Variants in AGO3 observed in about 807,000 individuals in gnomAD.
The protein encoded by AGO3 is argonaute RISC catalytic component 3.
Under a neutral mutation model 105.5 loss-of-function variants are expected in AGO3, and 16 were observed. That is an observed-to-expected ratio of 0.15 (90% CI 0.10 to 0.23). AGO3 has a LOEUF of 0.23. Among genes scored for constraint, AGO3 ranks in the 10% least tolerant of loss-of-function variants. The probability of loss-of-function intolerance (pLI) is 1.00; values close to 1 mark genes in which losing one functional copy is unlikely to be tolerated. For synonymous variants in AGO3, 340 were observed against 367.3 expected, an observed-to-expected ratio of 0.93 and a Z score of 0.85; for missense variants, 534 against 1,088.0, an observed-to-expected ratio of 0.49 and a Z score of 7.16.
At chr1:35,937,243 A>T (rs1054482307) in intron 1 of AGO3, among the ~76,000 whole-genome samples, 1 of 152,172 alleles carries the variant, frequency 6.6e-6, no homozygotes, top group Non-Finnish European at 1.5e-5. Flanking sequence ...CTCTACTAAA[A>T]ATACAAAAAA....
At chr1:35,972,713 C>T (rs1394744543) in intron 4 of AGO3, among the ~76,000 whole-genome samples, 2 of 152,064 alleles carry the variant, frequency 1.3e-5, no homozygotes, top group African/African-American at 4.8e-5. Context: ...TGGTCTCACT[C>T]TGTCACCCAG....
intron 5 of AGO3, among the ~76,000 whole-genome samples, chr1:35,987,550 C>T (rs1647242781): frequency 6.6e-6 from 1 of 151,604 alleles, no homozygotes; most frequent in South Asian, 2.1e-4. Context: ...AAAGTATGTA[C>T]TAGGTACATA....
At position 36,008,851 on chromosome 1, in the gene AGO3, G is replaced by A; in HGVS notation, c.882-46G>A. Reference sequence around the variant, plus strand: ...GTTAGTGGGGTTGGGAGTTTTTCTGGCTCATAATGGGCAAGAATTGTTCAT... The same window carrying A: ...GTTAGTGGGGTTGGGAGTTTTTCTGACTCATAATGGGCAAGAATTGTTCAT... On this transcript the variant is annotated intron_variant, in intron 7 of 18. Coordinates refer to ENST00000373191, the MANE Select transcript of AGO3 (RefSeq NM_024852.4). The surrounding 1 kb of genome is among the most constrained non-coding windows in gnomAD (Gnocchi z 5.1). 2 of 1,613,984 alleles carry A rather than the reference G, an allele frequency of 1.2e-6. No homozygotes were observed. The highest frequency in any genetic ancestry group is 1.7e-5 in the Admixed American group (1 of 60,000).
chr1:36,054,877 G>A, intron 17 of AGO3, 69 bp from the exon 18 acceptor site: 1 of 1,477,028 alleles, frequency 6.8e-7, no homozygotes, highest in Admixed American at 1.7e-5. Context: ...GCAAGACTTT[G>A]TCTCAAAAAA....
intron 12 of AGO3, among the ~76,000 whole-genome samples, chr1:36,030,738 C>T (rs189921675): frequency 6.6e-6 from 1 of 152,316 alleles, no homozygotes; most frequent in African/African-American, 2.4e-5. Flanking sequence ...GCCTCAGCCT[C>T]CCAATGCTGG....
At chr1:36,024,745 G>A (rs1541986) in intron 11 of AGO3, among the ~76,000 whole-genome samples, 13,336 of 152,112 alleles carry the variant, frequency 0.088, 1,993 homozygotes, top group East Asian at 0.66. Context: ...GTGCAATGGC[G>A]TGATCTCGGC....
intron 3 of AGO3, among the ~76,000 whole-genome samples, chr1:35,971,175 T>G (rs1646863964): frequency 6.8e-6 from 1 of 146,390 alleles, no homozygotes. Flanking sequence ...ATTTATTTAT[T>G]TTTTTTTTGA....
At chr1:36,034,715 GC>G (rs1641929810) in intron 13 of AGO3, among the ~76,000 whole-genome samples, 3 of 152,190 alleles carry the variant, frequency 2.0e-5, no homozygotes, top group Admixed American at 2.0e-4. Flanking sequence ...TCACTGGAGA[GC>G]CCAGCTTGAA....
intron 13 of AGO3, among the ~76,000 whole-genome samples, chr1:36,034,667 C>A (rs1447206389): frequency 6.6e-6 from 1 of 152,174 alleles, no homozygotes; most frequent in Non-Finnish European, 1.5e-5. Flanking sequence ...ATGCAAAGTA[C>A]CTCTTACCTA....
At chr1:35,996,769 C>CAA (rs112237843) in intron 5 of AGO3, among the ~76,000 whole-genome samples, 6,164 of 116,158 alleles carry the variant, frequency 0.053, 471 homozygotes, top group African/African-American at 0.18. Flanking sequence ...AACTCCATCT[C>CAA]AAAAAAAAAA....
chr1:36,021,400 A>G (rs552489983), intron 11 of AGO3, among the ~76,000 whole-genome samples: 14 of 152,302 alleles, frequency 9.2e-5, no homozygotes, highest in Admixed American at 9.2e-4. Flanking sequence ...TAACGTAATA[A>G]CCATAATTAT....
In AGO3 at chr1:36,039,889, C is replaced by T. The variant is rs1642176428; in HGVS notation, c.1942C>T (p.Arg648Trp). The T allele has an allele frequency of 6.2e-7, 1 of 1,613,890 alleles. No homozygotes were observed. Among genetic ancestry groups the T allele is most frequent in the Non-Finnish European group, 8.5e-7 (1 of 1,179,936 alleles). The change falls in exon 15 of 19, where the codon CGG becomes TGG. Residue 648 changes from arginine (R) to tryptophan (W), a missense_variant. Physicochemically the swap from Arg to Trp is moderately radical, Grantham distance 101 (BLOSUM62 -3). Coordinates refer to ENST00000373191, the MANE Select transcript of AGO3 (RefSeq NM_024852.4). ...CATCCAGGACTTGGCCTCCATGGTC[C>T]GGGAACTTCTTATTCAATTTTATAA... ...EIIQDLASMV[R>W]ELLIQFYKST...
chr1:35,979,466 G>A (rs1647011413), intron 5 of AGO3, among the ~76,000 whole-genome samples: 2 of 150,892 alleles, frequency 1.3e-5, no homozygotes, highest in Non-Finnish European at 3.0e-5. Context: ...ATGGCTATAT[G>A]AAAATAAGAT....
In AGO3 at chr1:35,967,249, A is replaced by G. The variant is rs557926541; in HGVS notation, c.312+174A>G. Reference sequence around the variant, plus strand: ...TAAAGAAAAGTTGCAGGAATCATGCAGAGAACTCTCATACACCCTTTATGT... The same window carrying G: ...TAAAGAAAAGTTGCAGGAATCATGCGGAGAACTCTCATACACCCTTTATGT... On this transcript the variant is annotated intron_variant, in intron 3 of 18. Transcript: ENST00000373191. Among the ~76,000 whole-genome samples, 8 of 152,296 alleles carry G rather than the reference A, an allele frequency of 5.3e-5. No individual in the cohort carries two copies. In the South Asian group the frequency reaches 1.7e-3, roughly 32 times the overall value.
intron 5 of AGO3, among the ~76,000 whole-genome samples, chr1:36,001,448 G>A (rs1378362024): frequency 6.6e-6 from 1 of 152,142 alleles, no homozygotes; most frequent in Non-Finnish European, 1.5e-5. Flanking sequence ...CTATGAGAAG[G>A]AATGATATAG....
In AGO3 at chr1:36,004,472, A is replaced by C; in HGVS notation, c.790A>C (p.Lys264Gln). ...SHRVKFTKEI[K>Q]GLKVEVTHCG... ...TCGGGTAAAATTCACCAAAGAGATA[A>C]AAGGTGAATTAATTAGCATTTAGCA... Residue 264 changes from lysine (K) to glutamine (Q), a missense_variant, in exon 6 of 19, where the codon AAA (lysine) becomes CAA (glutamine). Around this residue, in one of 2 missense-constraint regions of AGO3, gnomAD observed 373 missense variants for 854.0 expected, o/e 0.44. Coordinates refer to ENST00000373191, the MANE Select transcript of AGO3 (RefSeq NM_024852.4). The C allele has an allele frequency of 6.3e-7, 1 of 1,591,132 alleles. No homozygotes were observed. Among genetic ancestry groups the C allele is most frequent in the South Asian group, 1.2e-5 (1 of 86,852 alleles).
chr1:36,036,797 C>G (rs1292652532), intron 14 of AGO3, among the ~76,000 whole-genome samples: 2 of 152,080 alleles, frequency 1.3e-5, no homozygotes, highest in Admixed American at 1.3e-4. Flanking sequence ...CAGGTTCAAG[C>G]GATTATCCTG....
intron 11 of AGO3, among the ~76,000 whole-genome samples, chr1:36,021,712 A>G (rs1018801328): frequency 8.5e-5 from 13 of 152,212 alleles, no homozygotes; most frequent in African/African-American, 3.1e-4. Context: ...CTTGGCCCAA[A>G]TAGGATCACA....
intron 14 of AGO3, 110 bp from the exon 15 acceptor site, chr1:36,039,680 A>G: frequency 7.8e-6 from 6 of 769,896 alleles, no homozygotes; most frequent in Non-Finnish European, 1.1e-5. Flanking sequence ...TTCAAAGTAA[A>G]CAGTGATGAA....
Sources: gnomAD v4.1 joint callset for allele counts (sites outside exome capture counted in the v4.1 genomes callset) on GRCh38, gnomAD v4.1.1 for gene constraint, gnomAD v4.1.1 regional missense constraint, Gnocchi (gnomAD v3.1) non-coding constraint, MANE v1.5 for transcripts, NCBI Gene and HGNC (gene_info 2026-07-23, HGNC 2026-07-21) for gene names.